PAK5: variants seen among roughly 807,000 people sequenced by gnomAD.
PAK5 encodes serine/threonine-protein kinase PAK 5.
Under a neutral mutation model 65.9 loss-of-function variants are expected in PAK5, and 16 were observed. The ratio of observed to expected loss-of-function variants is 0.24; its 90% CI spans 0.16 to 0.37. PAK5 has a LOEUF of 0.37. Among genes scored for constraint, PAK5 ranks in the 10% least tolerant of loss-of-function variants. The probability of loss-of-function intolerance (pLI) is 1.00; values close to 1 mark genes in which losing one functional copy is unlikely to be tolerated. For synonymous variants in PAK5, 371 were observed against 354.9 expected, an observed-to-expected ratio of 1.05 and a Z score of -0.51; for missense variants, 785 against 903.9, an observed-to-expected ratio of 0.87 and a Z score of 1.69.
intron 1 of PAK5, among the ~76,000 whole-genome samples, chr20:9,806,847 T>C (rs1248348911): frequency 6.6e-6 from 1 of 152,208 alleles, no homozygotes; most frequent in Non-Finnish European, 1.5e-5. Context: ...TATTATTTTA[T>C]AGTTCTGGAT....
intron 2 of PAK5, among the ~76,000 whole-genome samples, chr20:9,659,475 G>T (rs185003626): frequency 5.7e-4 from 87 of 152,266 alleles, no homozygotes; most frequent in Non-Finnish European, 1.1e-3. Flanking sequence ...ATAAGTTACT[G>T]CTACCACTTG....
chr20:9,780,840 C>T (rs1280698009), intron 1 of PAK5, among the ~76,000 whole-genome samples: 1 of 152,012 alleles, frequency 6.6e-6, no homozygotes, highest in Admixed American at 6.6e-5. Context: ...TCATAAACTT[C>T]AAAATTTATA....
rs2423465 is a variant in PAK5 at position 9,759,428 on chromosome 20, T to G, written c.-161-47993A>C. ...TCTTTTGAGAAGTATTCAGCTAATGTCTGCTTGTTGCCTCACACCTATGGG... is the reference window on the plus strand; with the variant it reads ...TCTTTTGAGAAGTATTCAGCTAATGGCTGCTTGTTGCCTCACACCTATGGG... On this transcript the variant is annotated intron_variant, in intron 1 of 9. Coordinates refer to ENST00000353224, the MANE Select transcript of PAK5 (RefSeq NM_177990.4). Among the ~76,000 whole-genome samples, 178 of 152,304 alleles carry G rather than the reference T, an allele frequency of 1.2e-3. 1 individual carries two copies. The highest frequency in any genetic ancestry group is 1.4e-3 in the Non-Finnish European group (95 of 68,020).
chr20:9,553,747 C>T (rs567794508), intron 7 of PAK5, among the ~76,000 whole-genome samples: 13 of 152,158 alleles, frequency 8.5e-5, no homozygotes, highest in South Asian at 4.2e-4. Context: ...TTTAATCATT[C>T]GCCCTTTGAA....
At chr20:9,541,134 C>T (rs1030274532) in intron 9 of PAK5, among the ~76,000 whole-genome samples, 15 of 152,104 alleles carry the variant, frequency 9.9e-5, no homozygotes, top group African/African-American at 3.6e-4. Flanking sequence ...ATGAGTGATG[C>T]TACTGGGGCT....
intron 1 of PAK5, among the ~76,000 whole-genome samples, chr20:9,767,279 T>C (rs151278969): frequency 1.3e-5 from 2 of 152,288 alleles, no homozygotes; most frequent in African/African-American, 4.8e-5. Flanking sequence ...ATTAACCTAT[T>C]TAAGTGAATA....
intron 2 of PAK5, among the ~76,000 whole-genome samples, chr20:9,670,096 T>A (rs1304733708): frequency 6.6e-6 from 1 of 152,198 alleles, no homozygotes; most frequent in African/African-American, 2.4e-5. Flanking sequence ...ACAAAGGACA[T>A]GAACTCATCC....
chr20:9,681,051 T>A (rs1265562886), intron 2 of PAK5, among the ~76,000 whole-genome samples: 1 of 152,200 alleles, frequency 6.6e-6, no homozygotes, highest in Non-Finnish European at 1.5e-5. Context: ...AATTTTTGCG[T>A]CTATGTTGAG....
intron 2 of PAK5, among the ~76,000 whole-genome samples, chr20:9,645,564 G>A (rs1156364587): frequency 6.6e-6 from 1 of 152,140 alleles, no homozygotes; most frequent in East Asian, 1.9e-4. Flanking sequence ...GACTGGAATA[G>A]GTAGGTCATA....
At chr20:9,812,837 A>C (rs1471931812) in intron 1 of PAK5, among the ~76,000 whole-genome samples, 1 of 152,152 alleles carries the variant, frequency 6.6e-6, no homozygotes, top group Non-Finnish European at 1.5e-5. Context: ...AATGTAAAGA[A>C]ATAATAAATG....
chr20:9,833,680 T>C (rs1454948523), intron 1 of PAK5, among the ~76,000 whole-genome samples: 3 of 152,208 alleles, frequency 2.0e-5, no homozygotes, highest in Non-Finnish European at 2.9e-5. Flanking sequence ...GATGTTAGAA[T>C]CATTTTGTAA....
intron 2 of PAK5, among the ~76,000 whole-genome samples, chr20:9,692,991 A>G (rs2047818088): frequency 6.6e-6 from 1 of 152,206 alleles, no homozygotes; most frequent in Non-Finnish European, 1.5e-5. Context: ...ATATAAAGTG[A>G]CTGCCACAGT....
chr20:9,582,639 G>A (rs1056668448), intron 3 of PAK5, among the ~76,000 whole-genome samples: 16 of 152,204 alleles, frequency 1.1e-4, no homozygotes, highest in East Asian at 3.9e-4. Context: ...TAAGTGTAGC[G>A]TCTACTCAAG....
At chr20:9,802,267 G>A (rs1397365125) in intron 1 of PAK5, among the ~76,000 whole-genome samples, 2 of 152,114 alleles carry the variant, frequency 1.3e-5, no homozygotes, top group Admixed American at 1.3e-4. Context: ...TAGGCATCAT[G>A]TGAGGTTAGC....
At chr20:9,714,634 T>C (rs1244004704) in intron 1 of PAK5, among the ~76,000 whole-genome samples, 2 of 152,196 alleles carry the variant, frequency 1.3e-5, no homozygotes, top group Non-Finnish European at 2.9e-5. Flanking sequence ...AATTTGTTGC[T>C]AAAATTATCT....
intron 6 of PAK5, among the ~76,000 whole-genome samples, chr20:9,561,305 G>A (rs1234317320): frequency 6.6e-6 from 1 of 152,142 alleles, no homozygotes; most frequent in African/African-American, 2.4e-5. Context: ...CTGGAGACCT[G>A]AGTGGCTGTA....
At chr20:9,732,099 A>C (rs1488995633) in intron 1 of PAK5, among the ~76,000 whole-genome samples, 1 of 152,216 alleles carries the variant, frequency 6.6e-6, no homozygotes. Flanking sequence ...TAGAAGGTAC[A>C]GAGGTCAGGT....
Position 9,557,705 on chromosome 20 carries a change from C to A in PAK5, c.1646G>T (p.Cys549Phe). The A allele has an allele frequency of 6.2e-7, 1 of 1,610,844 alleles. No individual in the cohort carries two copies. Among genetic ancestry groups the A allele is most frequent in the Non-Finnish European group, 8.5e-7 (1 of 1,177,264 alleles). ...RMNEEQIATVCLSVLRALSYL... is the reference protein window; with the variant it reads ...RMNEEQIATVFLSVLRALSYL... ...GGAGAGAGCTCTCAGAACTGACAGGCAGACAGTAGCTATCTGTTCTTCATT... is the reference window on the plus strand; with the variant it reads ...GGAGAGAGCTCTCAGAACTGACAGGAAGACAGTAGCTATCTGTTCTTCATT... The change falls in exon 7 of 10, where the codon TGC (cysteine) becomes TTC (phenylalanine). Residue 549 changes from cysteine (C) to phenylalanine (F), a missense_variant. Cys to Phe is a radical substitution (Grantham distance 205, BLOSUM62 -2). This residue lies in a region of PAK5 where 182 missense variants were observed against 273.0 expected (regional missense o/e 0.67). Transcript: ENST00000353224.
At position 9,711,387 on chromosome 20, in the gene PAK5, T is replaced by C. The variant is rs888268599; in HGVS notation, c.-113A>G. On this transcript the variant is annotated 5_prime_UTR_variant, in exon 2 of 10. Coordinates refer to ENST00000353224, the MANE Select transcript of PAK5 (RefSeq NM_177990.4). ...GCTTGTCAGTCTTCTTCATTTTTCC[T>C]CAGTGTTCATTTTAGCAAGAGGTGG... The C allele has an allele frequency of 2.0e-5, 3 of 152,202 alleles. No homozygotes were observed. The highest frequency in any genetic ancestry group is 2.0e-4 in the Admixed American group (3 of 15,260). The allele number at this position is 152,202 out of a possible 1,614,324, so 9.4% of individuals were successfully genotyped here.
Sources: allele counts gnomAD v4.1 joint callset (sites outside exome capture counted in the v4.1 genomes callset), GRCh38; gene constraint gnomAD v4.1.1; regional missense constraint gnomAD v4.1.1; transcripts MANE v1.5; gene names NCBI Gene and HGNC (gene_info 2026-07-23, HGNC 2026-07-21).